The following MBNL2 variants were observed in gnomAD, a reference collection of about 807,000 sequenced individuals.
MBNL2 encodes the protein muscleblind-like protein 2.
In MBNL2, 17 loss-of-function variants were observed where a neutral mutation model predicts 41.9. The observed-to-expected ratio is 0.41, with a 90% confidence interval of 0.28 to 0.61. MBNL2 has a LOEUF of 0.61. MBNL2 is among the 20% of genes least tolerant of loss of function. MBNL2 has a pLI of 0.35. For synonymous variants in MBNL2, 195 were observed against 182.9 expected (o/e 1.07, Z -0.53); for missense variants, 336 against 505.6 (o/e 0.66, Z 3.22).
the MBNL2 span, among the ~76,000 whole-genome samples, chr13:97,206,054 TAAATC>T: frequency 6.6e-6 from 1 of 152,190 alleles, no homozygotes; most frequent in African/African-American, 2.4e-5. Context: ...TCAAAGCTAT[TAAATC>T]AATCAATATA....
chr13:97,176,163 A>T, the MBNL2 span, among the ~76,000 whole-genome samples: 1 of 152,176 alleles, frequency 6.6e-6, no homozygotes, highest in Admixed American at 6.5e-5. Flanking sequence ...GGCCAGGGAC[A>T]TGCTGGGTCT....
intron 2 of MBNL2, among the ~76,000 whole-genome samples, chr13:97,277,014 T>C (rs1254169955): frequency 6.6e-6 from 1 of 152,098 alleles, no homozygotes; most frequent in Non-Finnish European, 1.5e-5. Context: ...CAATTCAGCA[T>C]ATCAGCAAGT....
At chr13:97,357,332 G>A (rs922488691) in intron 6 of MBNL2, 150 bp from the exon 7 acceptor site, 26 of 635,912 alleles carry the variant, frequency 4.1e-5, no homozygotes, top group Non-Finnish European at 6.6e-5. Context: ...TCACTCATTC[G>A]ACATTGCCGC....
chr13:97,334,531 T>G lies in MBNL2; in HGVS notation c.339+91T>G. The G allele has an allele frequency of 3.4e-6, 3 of 876,918 alleles. No individual in the cohort carries two copies. The African/African-American group carries it at 5.2e-5, about 15-fold the overall frequency. 54.3% of individuals were successfully genotyped at this position (876,918 alleles called of 1,614,324 possible). On this transcript the variant is annotated intron_variant, in intron 3 of 8. Coordinates refer to ENST00000679496, the MANE Select transcript of MBNL2 (RefSeq NM_001382683.1). The surrounding 1 kb of genome is among the most constrained non-coding windows in gnomAD (Gnocchi z 5.3). ...GACCTAGGGTGGCCTCTCTCCACTT[T>G]GTCACTTTGGTTACAATTAAAGCAA...
the MBNL2 span, among the ~76,000 whole-genome samples, chr13:97,158,875 G>C: frequency 1.3e-5 from 2 of 151,796 alleles, no homozygotes; most frequent in Non-Finnish European, 2.9e-5. Context: ...ATATTCTGTT[G>C]ATTTGGGGTG....
chr13:97,249,745 GAGA>G lies in MBNL2; in HGVS notation c.-604-25884_-604-25882del, dbSNP rs758149750. 3.3e-5 allele frequency among the ~76,000 whole-genome samples: 5 copies of G among 152,256 alleles called. No individual in the cohort carries two copies. In the South Asian group the frequency reaches 6.2e-4, roughly 19 times the overall value. On this transcript the variant is annotated intron_variant, in intron 1 of 8. Coordinates refer to ENST00000679496, the MANE Select transcript of MBNL2 (RefSeq NM_001382683.1). ...AATTTTCTTTACCCTTTGCATATCT[GAGA>G]AGGTTTTTCATTTTCATGTTGGAAA...
the MBNL2 span, among the ~76,000 whole-genome samples, chr13:97,171,982 G>A: frequency 6.6e-6 from 1 of 152,154 alleles, no homozygotes; most frequent in East Asian, 1.9e-4. Context: ...TGCCTCCCCA[G>A]CCACGTGGAA....
the MBNL2 span, among the ~76,000 whole-genome samples, chr13:97,169,093 C>T: frequency 6.6e-6 from 1 of 152,102 alleles, no homozygotes; most frequent in Non-Finnish European, 1.5e-5. Context: ...CAGAAATGTA[C>T]AGGGTGTGCT....
At chr13:97,175,780 T>C in the MBNL2 span, among the ~76,000 whole-genome samples, 2 of 151,990 alleles carry the variant, frequency 1.3e-5, no homozygotes, top group Non-Finnish European at 2.9e-5. Flanking sequence ...AAGAGGTACT[T>C]ATTTTGCTGC....
intron 2 of MBNL2, among the ~76,000 whole-genome samples, chr13:97,297,989 C>T (rs1209034746): frequency 3.9e-5 from 6 of 152,032 alleles, no homozygotes; most frequent in African/African-American, 1.4e-4. Context: ...AGAGGGAAAA[C>T]AGACACATAG....
chr13:97,238,975 G>A (rs185477411), intron 1 of MBNL2, among the ~76,000 whole-genome samples: 5 of 152,188 alleles, frequency 3.3e-5, no homozygotes, highest in Admixed American at 6.5e-5. Flanking sequence ...GTCTAAAGGC[G>A]TCTCCAAGGA....
At chr13:97,332,722 T>C (rs1193885626) in intron 2 of MBNL2, among the ~76,000 whole-genome samples, 2 of 152,216 alleles carry the variant, frequency 1.3e-5, no homozygotes, top group Non-Finnish European at 2.9e-5. Context: ...CATGTATACA[T>C]AGGAAGCTGA....
rs923320829 is a variant in MBNL2 at position 97,275,997 on chromosome 13, A to G, written c.-239A>G. 3 of 414,980 alleles carry G rather than the reference A, an allele frequency of 7.2e-6. No homozygotes were observed. Among genetic ancestry groups the G allele is most frequent in the Non-Finnish European group, 1.3e-5 (3 of 232,768 alleles). 25.7% of individuals were successfully genotyped at this position (414,980 alleles called of 1,614,324 possible). On this transcript the variant is annotated 5_prime_UTR_variant, in exon 2 of 9. Transcript: ENST00000679496. ...TCGGACGTTGAAAGCCAGAGATGACACTGAGCATGCTTTTATTGCGGCCTA... is the reference window on the plus strand; with the variant it reads ...TCGGACGTTGAAAGCCAGAGATGACGCTGAGCATGCTTTTATTGCGGCCTA...
At chr13:97,148,045 A>G in the MBNL2 span, among the ~76,000 whole-genome samples, 1,292 of 152,312 alleles carry the variant, frequency 8.5e-3, 8 homozygotes, top group Middle Eastern at 0.014. Context: ...CTTGGAAAGA[A>G]GAGGAGTCGG....
chr13:97,208,498 T>C, the MBNL2 span, among the ~76,000 whole-genome samples: 2 of 152,152 alleles, frequency 1.3e-5, no homozygotes, highest in South Asian at 4.1e-4. Flanking sequence ...ACTACAAAAG[T>C]AAAAGCTGAT....
the MBNL2 span, among the ~76,000 whole-genome samples, chr13:97,150,060 A>G: frequency 6.6e-6 from 1 of 152,232 alleles, no homozygotes; most frequent in Non-Finnish European, 1.5e-5. Flanking sequence ...CTTTTGTCTC[A>G]GAAATTGTTG....
chr13:97,175,017 G>T, the MBNL2 span, among the ~76,000 whole-genome samples: 3 of 152,152 alleles, frequency 2.0e-5, no homozygotes, highest in African/African-American at 7.2e-5. Context: ...TGTGCCTCAG[G>T]TTTCCTTTAA....
chr13:97,324,413 C>T (rs1323147579), intron 2 of MBNL2, among the ~76,000 whole-genome samples: 1 of 152,138 alleles, frequency 6.6e-6, no homozygotes, highest in Non-Finnish European at 1.5e-5. Context: ...GGCCTGCCCT[C>T]CCTAGCAGGA....
chr13:97,304,646 T>C (rs2057956082), intron 2 of MBNL2, among the ~76,000 whole-genome samples: 1 of 152,168 alleles, frequency 6.6e-6, no homozygotes, highest in African/African-American at 2.4e-5. Flanking sequence ...ATTTGCAAAG[T>C]GGCAATAATA....
Sources: gnomAD v4.1 joint callset for allele counts (sites outside exome capture counted in the v4.1 genomes callset) on GRCh38, gnomAD v4.1.1 for gene constraint, Gnocchi (gnomAD v3.1) non-coding constraint, MANE v1.5 for transcripts, NCBI Gene and HGNC (gene_info 2026-07-23, HGNC 2026-07-21) for gene names.